The following CCDC7 variants were observed in gnomAD, a reference collection of about 807,000 sequenced individuals.
CCDC7 encodes the protein coiled-coil domain-containing protein 7.
In CCDC7, 183 loss-of-function variants were observed where a neutral mutation model predicts 196.9. That is an observed-to-expected ratio of 0.93 (90% CI 0.82 to 1.05). The LOEUF (loss-of-function observed/expected upper bound fraction) is 1.05. Ranked by LOEUF, CCDC7 falls within the 50% of genes least tolerant of loss-of-function variation. The pLI is 0.00. For synonymous variants in CCDC7, 525 were observed against 484.6 expected (o/e 1.08, Z -1.10); for missense variants, 1,540 against 1,482.2 (o/e 1.04, Z -0.64).
At chr10:32,609,499 A>G (rs2061873102) in intron 18 of CCDC7, among the ~76,000 whole-genome samples, 1 of 152,172 alleles carries the variant, frequency 6.6e-6, no homozygotes, top group South Asian at 2.1e-4. Flanking sequence ...TCCATAGGCT[A>G]CATATACTTG....
intron 41 of CCDC7, among the ~76,000 whole-genome samples, chr10:32,872,007 T>G (rs1428662798): frequency 6.6e-6 from 1 of 151,946 alleles, no homozygotes; most frequent in African/African-American, 2.4e-5. Flanking sequence ...AGCTGAGGAG[T>G]GCTTTACTTC....
intron 28 of CCDC7, among the ~76,000 whole-genome samples, chr10:32,758,891 C>A (rs1309610267): frequency 6.6e-6 from 1 of 152,198 alleles, no homozygotes; most frequent in Non-Finnish European, 1.5e-5. Flanking sequence ...TAAGCAACTT[C>A]AGCAAAATCT....
chr10:32,520,245 T>G (rs2047676082), intron 11 of CCDC7, among the ~76,000 whole-genome samples: 1 of 152,130 alleles, frequency 6.6e-6, no homozygotes, highest in African/African-American at 2.4e-5. Flanking sequence ...TCAATAGGAT[T>G]GCTGGATTGT....
chr10:32,811,692 G>A (rs1468133935), intron 30 of CCDC7, among the ~76,000 whole-genome samples: 1 of 151,986 alleles, frequency 6.6e-6, no homozygotes, highest in Non-Finnish European at 1.5e-5. Context: ...AAAAATTGAA[G>A]AGGACGGAAT....
intron 29 of CCDC7, among the ~76,000 whole-genome samples, chr10:32,786,680 C>G (rs1049247104): frequency 6.6e-6 from 1 of 152,044 alleles, no homozygotes; most frequent in Non-Finnish European, 1.5e-5. Context: ...AGAATTGTTT[C>G]AACCCAGGGG....
chr10:32,567,964 C>A, intron 15 of CCDC7, 73 bp downstream of exon 16: 84 of 1,187,298 alleles, frequency 7.1e-5, no homozygotes, highest in Non-Finnish European at 8.5e-5. Context: ...TTATTTACTT[C>A]ATTTGTATAT....
At chr10:32,469,642 G>A (rs1055276418) in intron 5 of CCDC7, among the ~76,000 whole-genome samples, 13 of 152,198 alleles carry the variant, frequency 8.5e-5, no homozygotes, top group African/African-American at 3.1e-4. Context: ...CTGCACTGGT[G>A]GATTTTGCTA....
At chr10:32,444,194 C>G (rs527775169), upstream of CCDC7, among the ~76,000 whole-genome samples, 1 of 152,290 alleles carries the variant, frequency 6.6e-6, no homozygotes, top group African/African-American at 2.4e-5. Context: ...CAATTTTTCA[C>G]TATTGAAAAT....
In CCDC7 at chr10:32,768,636, G is replaced by A. The variant is rs73243842; in HGVS notation, c.2906-10341G>A. On this transcript the variant is annotated intron_variant, in intron 28 of 41. Coordinates refer to ENST00000639629, the Ensembl canonical transcript of CCDC7. ...CTTTTAACTTTTGTGTGTTTAGTACGATGTTGGCTGTGGGTTTGTCATATA... is the reference window on the plus strand; with the variant it reads ...CTTTTAACTTTTGTGTGTTTAGTACAATGTTGGCTGTGGGTTTGTCATATA... 1.8e-4 allele frequency among the ~76,000 whole-genome samples: 27 copies of A among 152,174 alleles called. No homozygotes were observed. The South Asian group carries it at 4.8e-3, about 27-fold the overall frequency.
chr10:32,817,194 A>G (rs1387609976), intron 31 of CCDC7, among the ~76,000 whole-genome samples: 1 of 152,238 alleles, frequency 6.6e-6, no homozygotes, highest in Non-Finnish European at 1.5e-5. Context: ...ACGTATGCAC[A>G]AGCCTGAGTA....
At chr10:32,596,290 G>A (rs1292726779) in intron 18 of CCDC7, among the ~76,000 whole-genome samples, 8 of 152,012 alleles carry the variant, frequency 5.3e-5, no homozygotes, top group Non-Finnish European at 7.4e-5. Flanking sequence ...ATTATGTAAC[G>A]GCCTTCTTTG....
In CCDC7 at chr10:32,728,334, C is replaced by T. The variant is rs538737277; in HGVS notation, c.2669-553C>T. 3.9e-5 allele frequency among the ~76,000 whole-genome samples: 6 copies of T among 152,228 alleles called. No homozygotes were observed. In the East Asian group the frequency reaches 9.6e-4, roughly 24 times the overall value. On this transcript the variant is annotated intron_variant, in intron 26 of 41. Coordinates refer to ENST00000639629, the Ensembl canonical transcript of CCDC7. ...CTTTGCTGGGACATAGGCTGTCTAT[C>T]ATTGCCTGGTAGCTGTTTAGAAGTA... is the stretch of plus-strand genomic sequence containing the variant.
intron 33 of CCDC7, among the ~76,000 whole-genome samples, chr10:32,841,716 G>T (rs1451835136): frequency 6.6e-6 from 1 of 151,738 alleles, no homozygotes; most frequent in East Asian, 1.9e-4. Context: ...AAACTATAAG[G>T]CCATAGTCAC....
At chr10:32,762,195 G>T (rs2077568747) in intron 28 of CCDC7, among the ~76,000 whole-genome samples, 1 of 151,832 alleles carries the variant, frequency 6.6e-6, no homozygotes, top group Non-Finnish European at 1.5e-5. Context: ...CAGAAGGTTT[G>T]GCTCTTAAAT....
intron 28 of CCDC7, among the ~76,000 whole-genome samples, chr10:32,744,613 G>GC (rs1328115693): frequency 5.9e-5 from 9 of 152,140 alleles, no homozygotes; most frequent in Admixed American, 5.9e-4. Flanking sequence ...TCATCTGTAT[G>GC]TCTTCTTTGG....
intron 41 of CCDC7, among the ~76,000 whole-genome samples, chr10:32,861,905 G>A (rs919588038): frequency 2.0e-5 from 3 of 152,152 alleles, no homozygotes; most frequent in Non-Finnish European, 4.4e-5. Flanking sequence ...TCATTAAAAA[G>A]TCAGGAAACA....
chr10:32,600,227 T>G (rs1010412486), intron 18 of CCDC7, among the ~76,000 whole-genome samples: 5 of 152,070 alleles, frequency 3.3e-5, no homozygotes, highest in African/African-American at 1.2e-4. Flanking sequence ...TTGTGTCATA[T>G]GTGATTTCTT....
At chr10:32,476,204 A>C (rs1315741455) in intron 8 of CCDC7, among the ~76,000 whole-genome samples, 1 of 152,068 alleles carries the variant, frequency 6.6e-6, no homozygotes, top group South Asian at 2.1e-4. Flanking sequence ...CCTGTGTCCC[A>C]CCTATTCACC....
chr10:32,758,315 C>A (rs1305287694), intron 28 of CCDC7, among the ~76,000 whole-genome samples: 2 of 152,148 alleles, frequency 1.3e-5, no homozygotes, highest in Admixed American at 6.5e-5. Context: ...AATTTTAGAC[C>A]AATATCCCTG....
Sources: gnomAD v4.1 joint callset for allele counts (sites outside exome capture counted in the v4.1 genomes callset) on GRCh38, gnomAD v4.1.1 for gene constraint, MANE v1.5 for transcripts, NCBI Gene and HGNC (gene_info 2026-07-23, HGNC 2026-07-21) for gene names.